Variants in COPA observed in about 807,000 individuals in gnomAD.
COPA encodes the protein coatomer subunit alpha.
In COPA, 10 loss-of-function variants were observed where a neutral mutation model predicts 158.7. The observed-to-expected ratio is 0.06, with a 90% CI of 0.04 to 0.11. COPA has a LOEUF of 0.11. COPA is among the 10% of genes least tolerant of loss of function. The probability of loss-of-function intolerance (pLI) is 1.00; values close to 1 mark genes in which losing one functional copy is unlikely to be tolerated. For synonymous variants in COPA, 462 were observed against 542.8 expected (o/e 0.85, Z 2.07); for missense variants, 1,065 against 1,536.7 (o/e 0.69, Z 5.13).
chr1:160,291,310 T>C (rs780400085), intron 31 of COPA, 25 bp downstream of exon 31: 1 of 1,612,248 alleles, frequency 6.2e-7, no homozygotes, highest in Non-Finnish European at 8.5e-7. Flanking sequence ...GGCTTCCCTA[T>C]GGTCACTGAA....
At position 160,313,116 on chromosome 1, in the gene COPA, A is replaced by G. The variant is rs1251965012; in HGVS notation, c.894T>C (p.Ala298=). ...CAAAGAGGTTAAGGTTAGGGTGAGC[A>G]GCTAGGACCCAGAAACGATCATGGT... is the stretch of plus-strand genomic sequence containing the variant. ...RRDHDRFWVL[A]AHPNLNLFAA... Residue 298 remains alanine, a synonymous_variant, in exon 10 of 33, where the codon GCT becomes GCC. Transcript: ENST00000241704. 4.3e-6 allele frequency: 7 copies of G among 1,614,076 alleles called. No individual in the cohort carries two copies. Among genetic ancestry groups the G allele is most frequent in the African/African-American group, 2.7e-5 (2 of 74,940 alleles).
Position 160,343,072 on chromosome 1 carries a change from C to T in COPA, c.40+59G>A, listed in dbSNP as rs1372106312. On this transcript the variant is annotated intron_variant, in intron 1 of 32. Transcript: ENST00000241704. ...ACACCTCTACCCATTTTCTCTTCCC[C>T]GGTGTCAGCGCCGCTCCTGACATCC... 1.9e-5 allele frequency: 31 copies of T among 1,598,444 alleles called. No individual in the cohort carries two copies. In the Admixed American group the frequency reaches 5.2e-4, roughly 27 times the overall value.
intron 10 of COPA, 70 bp downstream of exon 10, chr1:160,313,015 G>T: frequency 7.3e-7 from 1 of 1,378,088 alleles, no homozygotes; most frequent in Non-Finnish European, 1.0e-6. Flanking sequence ...TAGAGACAAA[G>T]CTAATAATCA....
chr1:160,317,071 G>C (rs1659171661), intron 8 of COPA, among the ~76,000 whole-genome samples: 1 of 151,766 alleles, frequency 6.6e-6, no homozygotes, highest in Non-Finnish European at 1.5e-5. Context: ...CCAAGAGAGA[G>C]AGGAATGACA....
intron 31 of COPA, among the ~76,000 whole-genome samples, chr1:160,290,948 G>A (rs1007998681): frequency 6.6e-6 from 1 of 152,206 alleles, no homozygotes; most frequent in South Asian, 2.1e-4. Flanking sequence ...ATCAGGGTCA[G>A]GTCCTAGAAA....
intron 25 of COPA, 66 bp downstream of exon 25, chr1:160,294,418 A>T: frequency 7.2e-7 from 1 of 1,385,624 alleles, no homozygotes; most frequent in Non-Finnish European, 1.0e-6. Flanking sequence ...GGTAGGGGAC[A>T]ATAAGGCCTC....
At position 160,335,314 on chromosome 1, in the gene COPA, A is replaced by G. The variant is rs747613254; in HGVS notation, c.237T>C (p.Asn79=). 6.2e-7 allele frequency: 1 copy of G among 1,610,808 alleles called. No individual in the cohort carries two copies. Among genetic ancestry groups the G allele is most frequent in the African/African-American group, 1.3e-5 (1 of 74,948 alleles). ...TGAAAAGACAGCGCCGAAGCTTGTA[A>G]TTCCAAACCTGCAAAGACAAATCAA... ...GGDDYKIKVW[N]YKLRRCLFTL... The change falls in exon 4 of 33, where the codon AAT becomes AAC. Residue 79 remains asparagine (N), a synonymous_variant. Coordinates refer to ENST00000241704, the MANE Select transcript of COPA (RefSeq NM_004371.4).
intron 5 of COPA, 141 bp from the exon 6 acceptor site, chr1:160,332,698 G>A (rs1647587388): frequency 7.8e-6 from 4 of 511,172 alleles, no homozygotes; most frequent in Non-Finnish European, 1.4e-5. Context: ...TACCAATTCT[G>A]AACTAATAAT....
intron 19 of COPA, 27 bp from the exon 20 acceptor site, chr1:160,297,772 C>T (rs761184297): frequency 2.5e-6 from 4 of 1,608,164 alleles, no homozygotes; most frequent in Non-Finnish European, 3.4e-6. Context: ...GTCGTGTTAA[C>T]AGGTTGAAGG....
At chr1:160,333,511 T>C (rs1423288496) in intron 5 of COPA, 92 bp downstream of exon 5, 1 of 892,722 alleles carries the variant, frequency 1.1e-6, no homozygotes, top group Non-Finnish European at 1.8e-6. Context: ...CATAGTCCAT[T>C]TGAGAAGGGA....
chr1:160,291,210 T>C, intron 31 of COPA, 125 bp downstream of exon 31: 2 of 1,051,056 alleles, frequency 1.9e-6, no homozygotes, highest in Non-Finnish European at 2.8e-6. Flanking sequence ...GAGGGTAGCA[T>C]TCTGTTGGCT....
Position 160,318,488 on chromosome 1 carries a change from A to AC in COPA, c.707-4364_707-4363insG, listed in dbSNP as rs1557870053. Reference sequence around the variant, plus strand: ...ATTTGTAAAAAAAAAAAAAAAAAAAAAAACAAAAAAAAAAAAAAAACACTA... The same window carrying AC: ...ATTTGTAAAAAAAAAAAAAAAAAAAACAAACAAAAAAAAAAAAAAAACACTA... On this transcript the variant is annotated intron_variant, in intron 8 of 32. Coordinates refer to ENST00000241704, the MANE Select transcript of COPA (RefSeq NM_004371.4). 6.6e-4 allele frequency among the ~76,000 whole-genome samples: 44 copies of AC among 66,268 alleles called. No individual in the cohort carries two copies. In the East Asian group the frequency reaches 7.2e-3, roughly 11 times the overall value. 43.5% of individuals were successfully genotyped at this position (66,268 alleles called of 152,430 possible). A position where few individuals can be genotyped will look rare whatever the true frequency, so the allele number is the denominator to read the frequency against.
intron 19 of COPA, among the ~76,000 whole-genome samples, chr1:160,297,949 G>C (rs1658466379): frequency 6.6e-6 from 1 of 152,126 alleles, no homozygotes; most frequent in Non-Finnish European, 1.5e-5. Flanking sequence ...GGAGGCCAAG[G>C]CAGGCGGATC....
chr1:160,318,441 C>A, intron 8 of COPA, among the ~76,000 whole-genome samples: 1 of 106,692 alleles, frequency 9.4e-6, no homozygotes, highest in Non-Finnish European at 1.7e-5. Flanking sequence ...TTGTCTGTAC[C>A]AGCTTCATTA....
intron 8 of COPA, among the ~76,000 whole-genome samples, chr1:160,314,557 A>C (rs1659075096): frequency 6.6e-6 from 1 of 152,088 alleles, no homozygotes; most frequent in Non-Finnish European, 1.5e-5. Context: ...CCAAGCCCAA[A>C]AGGTCAAGAC....
chr1:160,293,589 T>C, intron 25 of COPA, 126 bp from the exon 26 acceptor site: 2 of 707,214 alleles, frequency 2.8e-6, no homozygotes, highest in Non-Finnish European at 4.5e-6. Flanking sequence ...CTGCCTCCCA[T>C]GCTCAAGCAA....
intron 7 of COPA, among the ~76,000 whole-genome samples, chr1:160,324,630 G>C (rs1166449449): frequency 6.6e-6 from 1 of 151,920 alleles, no homozygotes; most frequent in East Asian, 1.9e-4. Flanking sequence ...TCTTTCGTAA[G>C]TATACAATAG....
intron 6 of COPA, among the ~76,000 whole-genome samples, chr1:160,326,760 G>A (rs904101592): frequency 6.6e-6 from 1 of 152,314 alleles, no homozygotes. Context: ...GTCATTTTAA[G>A]TTCCTGCTTA....
chr1:160,302,456 G>A (rs1038674340), intron 17 of COPA, among the ~76,000 whole-genome samples: 7 of 151,240 alleles, frequency 4.6e-5, no homozygotes, highest in Non-Finnish European at 8.8e-5. Flanking sequence ...TGTAAGGACT[G>A]TAAAGATGAC....
Sources: allele counts gnomAD v4.1 joint callset (sites outside exome capture counted in the v4.1 genomes callset), GRCh38; gene constraint gnomAD v4.1.1; transcripts MANE v1.5; gene names NCBI Gene and HGNC (gene_info 2026-07-23, HGNC 2026-07-21).